STXBP5L: variants seen among roughly 807,000 people sequenced by gnomAD.
STXBP5L encodes syntaxin-binding protein 5-like.
In STXBP5L, 65 loss-of-function variants were observed where a neutral mutation model predicts 144.5. That is an observed-to-expected ratio of 0.45 (90% confidence interval 0.37 to 0.55). STXBP5L has a LOEUF of 0.55. Ranked by LOEUF, STXBP5L falls within the 20% of genes least tolerant of loss-of-function variation. The pLI, the probability that STXBP5L is intolerant of heterozygous loss-of-function variation, is 0.00. For missense variants in STXBP5L, 1,298 were observed against 1,405.5 expected (o/e 0.92, Z 1.22); for synonymous variants, 505 against 469.6 (o/e 1.08, Z -0.97).
intron 18 of STXBP5L, among the ~76,000 whole-genome samples, chr3:121,276,965 CAATTATGGAGTT>C (rs1299616694): frequency 6.6e-6 from 1 of 151,628 alleles, no homozygotes; most frequent in Non-Finnish European, 1.5e-5. Context: ...TATGAAACTC[CAATTATGGAGTT>C]TTGTTTTTTA....
At chr3:121,186,684 G>T (rs1369407728) in intron 9 of STXBP5L, among the ~76,000 whole-genome samples, 1 of 152,190 alleles carries the variant, frequency 6.6e-6, no homozygotes, top group Non-Finnish European at 1.5e-5. Flanking sequence ...TGTGCTGCTG[G>T]ATTCGGTTTG....
At chr3:121,150,616 T>A (rs1400477229) in intron 7 of STXBP5L, among the ~76,000 whole-genome samples, 1 of 152,160 alleles carries the variant, frequency 6.6e-6, no homozygotes, top group Non-Finnish European at 1.5e-5. Context: ...ATCTTTCAGA[T>A]ATTTACTTTA....
intron 14 of STXBP5L, among the ~76,000 whole-genome samples, chr3:121,241,849 CTGAACAGTA>C (rs1184374426): frequency 1.3e-5 from 2 of 152,044 alleles, no homozygotes; most frequent in East Asian, 3.9e-4. Context: ...TGTCAAACTT[CTGAACAGTA>C]AACACTGAAA....
chr3:121,414,108 TAATA>T (rs1478396924), intron 24 of STXBP5L, among the ~76,000 whole-genome samples: 1 of 152,068 alleles, frequency 6.6e-6, no homozygotes, highest in East Asian at 1.9e-4. Flanking sequence ...AAATAAATAA[TAATA>T]AATATTACTA....
chr3:121,076,972 C>A (rs1324187589), intron 5 of STXBP5L, among the ~76,000 whole-genome samples: 2 of 152,146 alleles, frequency 1.3e-5, no homozygotes, highest in South Asian at 4.2e-4. Context: ...GGACTGTATG[C>A]AGTGTCCTAG....
chr3:121,300,026 G>A (rs957839587), intron 19 of STXBP5L, among the ~76,000 whole-genome samples: 2 of 149,130 alleles, frequency 1.3e-5, no homozygotes, highest in Non-Finnish European at 3.0e-5. Context: ...AGACTTTATA[G>A]TCAAACTACT....
At chr3:121,009,523 G>A (rs1176874587) in intron 3 of STXBP5L, among the ~76,000 whole-genome samples, 2 of 151,952 alleles carry the variant, frequency 1.3e-5, no homozygotes, top group African/African-American at 2.4e-5. Context: ...TGTGGTAGCA[G>A]TTCATTTATT....
chr3:121,353,133 C>G (rs1458242670), intron 20 of STXBP5L, among the ~76,000 whole-genome samples: 1 of 152,116 alleles, frequency 6.6e-6, no homozygotes, highest in African/African-American at 2.4e-5. Flanking sequence ...GGATATTGGT[C>G]TAAAATTCTC....
intron 9 of STXBP5L, among the ~76,000 whole-genome samples, chr3:121,162,957 T>C (rs1002743877): frequency 6.6e-6 from 1 of 152,328 alleles, no homozygotes; most frequent in Admixed American, 6.5e-5. Context: ...ATAGGAATGC[T>C]TTTACACTGT....
chr3:120,950,288 A>G (rs1711125413), intron 2 of STXBP5L, among the ~76,000 whole-genome samples: 1 of 152,060 alleles, frequency 6.6e-6, no homozygotes, highest in East Asian at 1.9e-4. Flanking sequence ...TCTTTCCTCA[A>G]TGAATTGTCT....
chr3:121,034,895 C>T (rs187566124), intron 3 of STXBP5L, among the ~76,000 whole-genome samples: 1 of 152,130 alleles, frequency 6.6e-6, no homozygotes, highest in East Asian at 1.9e-4. Flanking sequence ...TATTTTTTGA[C>T]TTTCTAATAA....
chr3:121,130,819 A>T (rs1334759755), intron 7 of STXBP5L, among the ~76,000 whole-genome samples: 2 of 152,172 alleles, frequency 1.3e-5, no homozygotes, highest in African/African-American at 4.8e-5. Flanking sequence ...TCAAGTAGAA[A>T]ATACAAATCA....
chr3:121,297,701 C>T (rs961802104), intron 19 of STXBP5L, among the ~76,000 whole-genome samples: 8 of 152,166 alleles, frequency 5.3e-5, no homozygotes, highest in African/African-American at 1.9e-4. Context: ...TTGCAGTGAG[C>T]CAAAATCGCG....
chr3:121,183,545 C>T (rs1234916949), intron 9 of STXBP5L, among the ~76,000 whole-genome samples: 2 of 146,756 alleles, frequency 1.4e-5, no homozygotes, highest in African/African-American at 5.1e-5. Context: ...CCTTTTACAA[C>T]AGCAAGCAAG....
chr3:120,921,474 A>G (rs1259915591), intron 2 of STXBP5L, among the ~76,000 whole-genome samples: 1 of 151,910 alleles, frequency 6.6e-6, no homozygotes, highest in Non-Finnish European at 1.5e-5. Context: ...GAATATTTTT[A>G]GCTTGATGCA....
chr3:121,084,506 C>A (rs561335300), intron 5 of STXBP5L, among the ~76,000 whole-genome samples: 67 of 152,216 alleles, frequency 4.4e-4, no homozygotes, highest in African/African-American at 1.6e-3. Context: ...TGGCTTCGAG[C>A]TCCATCCATG....
intron 3 of STXBP5L, among the ~76,000 whole-genome samples, chr3:121,038,390 T>C (rs1946907146): frequency 6.6e-6 from 1 of 152,036 alleles, no homozygotes; most frequent in Non-Finnish European, 1.5e-5. Flanking sequence ...TAGTTTATAA[T>C]TTAATTTTCA....
intron 10 of STXBP5L, among the ~76,000 whole-genome samples, chr3:121,216,368 G>A (rs545667111): frequency 1.3e-5 from 2 of 152,254 alleles, no homozygotes; most frequent in South Asian, 2.1e-4. Flanking sequence ...GGGTTTTTGT[G>A]TGGATGTCCT....
chr3:121,151,750 T>C (rs2045940651), intron 7 of STXBP5L, among the ~76,000 whole-genome samples: 1 of 152,082 alleles, frequency 6.6e-6, no homozygotes, highest in South Asian at 2.1e-4. Flanking sequence ...ATAGGTTAAA[T>C]TTTCTGTCAT....
Sources: gnomAD v4.1 joint callset for allele counts (sites outside exome capture counted in the v4.1 genomes callset) on GRCh38, gnomAD v4.1.1 for gene constraint, MANE v1.5 for transcripts, NCBI Gene and HGNC (gene_info 2026-07-23, HGNC 2026-07-21) for gene names.